TMEM39A: variants seen among roughly 807,000 people sequenced by gnomAD.
The protein encoded by TMEM39A is suppressor of SQST-1 aggregates in rpl-43 mutants.
In TMEM39A, 19 loss-of-function variants were observed where a neutral mutation model predicts 51.9. The ratio of observed to expected loss-of-function variants is 0.37; its 90% CI spans 0.26 to 0.54. TMEM39A has a LOEUF of 0.54. TMEM39A is among the 20% of genes least tolerant of loss of function. The probability of loss-of-function intolerance (pLI) is 0.88; values close to 1 mark genes in which losing one functional copy is unlikely to be tolerated. For synonymous variants in TMEM39A, 197 were observed against 220.2 expected (o/e 0.89, Z 0.93); for missense variants, 433 against 590.5 (o/e 0.73, Z 2.76).
chr3:119,460,907 AC>A (rs2081327736), intron 2 of TMEM39A, among the ~76,000 whole-genome samples: 1 of 152,198 alleles, frequency 6.6e-6, no homozygotes, highest in African/African-American at 2.4e-5. Flanking sequence ...ATTAGATAGT[AC>A]CTTTCTTCAA....
rs1203337451 is a variant in TMEM39A, at chr3:119,436,815, G to A, written c.1088C>T (p.Ser363Phe). 6.2e-7 allele frequency: 1 copy of A among 1,613,720 alleles called. No homozygotes were observed. The highest frequency in any genetic ancestry group is 1.7e-5 in the Admixed American group (1 of 60,024). Residue 363 changes from serine to phenylalanine, a missense_variant, in exon 7 of 9, where the codon TCC (serine) becomes TTC (phenylalanine). Transcript: ENST00000319172. Reference sequence around the variant, plus strand: ...CATGTGCTGTGGAGCATTGCTGTAGGACCCATGTTCCAACTTCTGCCACTT... The same window carrying A: ...CATGTGCTGTGGAGCATTGCTGTAGAACCCATGTTCCAACTTCTGCCACTT... The part of the protein sequence containing the change: ...LGKWQKLEHG[S>F]YSNAPQHIWS...
intron 2 of TMEM39A, among the ~76,000 whole-genome samples, chr3:119,461,416 C>T (rs2081335559): frequency 6.6e-6 from 1 of 152,144 alleles, no homozygotes; most frequent in Non-Finnish European, 1.5e-5. Flanking sequence ...AAGAGAAAAA[C>T]TTTTTTCAGG....
At position 119,460,976 on chromosome 3, in the gene TMEM39A, T is replaced by C. The variant is rs1350453988; in HGVS notation, c.113+986A>G. On this transcript the variant is annotated intron_variant, in intron 2 of 8. Coordinates refer to ENST00000319172, the MANE Select transcript of TMEM39A (RefSeq NM_018266.3). ...AAGTATATAAAATAATACTTATTTG[T>C]AGAAATTTTGTAAAATTCAGTAAAG... Among the ~76,000 whole-genome samples, 5 of 152,222 alleles carry C rather than the reference T, an allele frequency of 3.3e-5. No homozygotes were observed. The East Asian group carries it at 9.6e-4, about 29-fold the overall frequency.
chr3:119,459,375 A>G (rs1329797539), intron 2 of TMEM39A, among the ~76,000 whole-genome samples: 2 of 152,238 alleles, frequency 1.3e-5, no homozygotes, highest in African/African-American at 4.8e-5. Context: ...AGCAGAATTT[A>G]GGGAAGCAAA....
chr3:119,447,060 A>C lies in TMEM39A; in HGVS notation c.533T>G (p.Phe178Cys). 6.2e-7 allele frequency: 1 copy of C among 1,614,212 alleles called. No individual in the cohort carries two copies. The highest frequency in any genetic ancestry group is 8.5e-7 in the Non-Finnish European group (1 of 1,180,014). Residue 178 changes from phenylalanine (F) to cysteine (C), a missense_variant, in exon 5 of 9, where the codon TTT (phenylalanine) becomes TGT (cysteine). Physicochemically the swap from Phe to Cys is radical, Grantham distance 205 (BLOSUM62 -2). Around this residue, in one of 3 missense-constraint regions of TMEM39A, gnomAD observed 170 missense variants for 239.8 expected, o/e 0.71. Coordinates refer to ENST00000319172, the MANE Select transcript of TMEM39A (RefSeq NM_018266.3). Reference sequence around the variant, plus strand: ...GAGATTGAGGACTGAATGGCTTCGAAAGAGATTGACGAGGGTCCAACAAAG... The same window carrying C: ...GAGATTGAGGACTGAATGGCTTCGACAGAGATTGACGAGGGTCCAACAAAG... ...WVLCWTLVNL[F>C]RSHSVLNLLF...
At chr3:119,452,091 T>C (rs1019419466) in intron 4 of TMEM39A, among the ~76,000 whole-genome samples, 3 of 152,218 alleles carry the variant, frequency 2.0e-5, no homozygotes, top group South Asian at 2.1e-4. Flanking sequence ...GAATATTATC[T>C]GGAACTGAAT....
At chr3:119,435,155 T>TA in intron 7 of TMEM39A, 1 of 985,410 alleles carries the variant, frequency 1.0e-6, no homozygotes. Context: ...TGAGCAGACA[T>TA]AAATGTGTAA....
rs1374882738 is a variant in TMEM39A at position 119,430,852 on chromosome 3, C to G, written c.*1129G>C. 6.6e-6 allele frequency: 1 copy of G among 152,074 alleles called. No homozygotes were observed. The highest frequency in any genetic ancestry group is 1.5e-5 in the Non-Finnish European group (1 of 67,984). 9.4% of individuals were successfully genotyped at this position (152,074 alleles called of 1,614,324 possible). A position where few individuals can be genotyped will look rare whatever the true frequency, so the allele number is the denominator to read the frequency against. On this transcript the variant is annotated 3_prime_UTR_variant, in exon 9 of 9. Coordinates refer to ENST00000319172, the MANE Select transcript of TMEM39A (RefSeq NM_018266.3). ...GCTTCACAGTGTAACAAACCAAACT[C>G]AGCACAGAAAACATATGACAATATA...
chr3:119,452,422 T>C (rs773106484), intron 4 of TMEM39A, 25 bp downstream of exon 4: 4 of 1,587,852 alleles, frequency 2.5e-6, no homozygotes, highest in Admixed American at 3.4e-5. Flanking sequence ...CTACATGTGA[T>C]AGAATATAGT....
At chr3:119,462,599 C>G (rs1012428605) in intron 1 of TMEM39A, among the ~76,000 whole-genome samples, 3 of 113,696 alleles carry the variant, frequency 2.6e-5, no homozygotes, top group Non-Finnish European at 4.9e-5. Context: ...GATAAGTTAA[C>G]TTCTGAGTGT....
intron 3 of TMEM39A, among the ~76,000 whole-genome samples, chr3:119,453,909 G>A (rs997771977): frequency 7.9e-5 from 12 of 152,136 alleles, no homozygotes; most frequent in Admixed American, 3.9e-4. Flanking sequence ...AAATAAAACA[G>A]TAACAAATAA....
chr3:119,454,478 C>T (rs933293422), intron 3 of TMEM39A, among the ~76,000 whole-genome samples: 1 of 152,168 alleles, frequency 6.6e-6, no homozygotes, highest in Non-Finnish European at 1.5e-5. Flanking sequence ...CATCACCAGT[C>T]CATCTAAGAC....
chr3:119,456,973 CT>C (rs35937230), intron 3 of TMEM39A, among the ~76,000 whole-genome samples: 6,451 of 140,524 alleles, frequency 0.046, 185 homozygotes, highest in South Asian at 0.11. Context: ...TCATGGTACT[CT>C]TTTTTTTTTT....
rs540427275 is a variant in TMEM39A at position 119,429,694 on chromosome 3, C to T, written c.*2287G>A. The T allele has an allele frequency of 8.5e-5, 13 of 152,190 alleles. No homozygotes were observed. Among genetic ancestry groups the T allele is most frequent in the African/African-American group, 2.9e-4 (12 of 41,528 alleles). 9.4% of individuals were successfully genotyped at this position (152,190 alleles called of 1,614,324 possible). On this transcript the variant is annotated 3_prime_UTR_variant, in exon 9 of 9. Transcript: ENST00000319172. ...AAAAACAGCTGGAATGTGTAGAACA[C>T]GTTGAACTAAACGGTCTTATGCCCC...
At chr3:119,445,436 T>C (rs768826958) in intron 5 of TMEM39A, among the ~76,000 whole-genome samples, 1 of 152,178 alleles carries the variant, frequency 6.6e-6, no homozygotes, top group Non-Finnish European at 1.5e-5. Context: ...TGCTAATTTT[T>C]TTATTTTTAG....
In TMEM39A at chr3:119,429,902, A is replaced by C. The variant is rs1182330564; in HGVS notation, c.*2079T>G. 6.6e-6 allele frequency: 1 copy of C among 152,148 alleles called. No individual in the cohort carries two copies. The highest frequency in any genetic ancestry group is 2.4e-5 in the African/African-American group (1 of 41,430). 9.4% of individuals were successfully genotyped at this position (152,148 alleles called of 1,614,324 possible). A position where few individuals can be genotyped will look rare whatever the true frequency, so the allele number is the denominator to read the frequency against. ...CAGAAGGGGCATCATATTAGTTCAT[A>C]AGACTGGTCTGTTATCTCTAATCAG... On this transcript the variant is annotated 3_prime_UTR_variant, in exon 9 of 9. Coordinates refer to ENST00000319172, the MANE Select transcript of TMEM39A (RefSeq NM_018266.3).
At chr3:119,459,306 G>A (rs181745042) in intron 2 of TMEM39A, among the ~76,000 whole-genome samples, 3 of 152,292 alleles carry the variant, frequency 2.0e-5, no homozygotes, top group East Asian at 3.9e-4. Context: ...TATAAAGTTT[G>A]TGTGTGGCAA....
chr3:119,436,779 T>C lies in TMEM39A; in HGVS notation c.1112+12A>G, dbSNP rs774651246. 41 of 1,602,624 alleles carry C rather than the reference T, an allele frequency of 2.6e-5. No individual in the cohort carries two copies. Among genetic ancestry groups the C allele is most frequent in the Non-Finnish European group, 3.3e-5 (39 of 1,171,944 alleles). On this transcript the variant is annotated intron_variant, in intron 7 of 8. Transcript: ENST00000319172. ...GAAAGTGTTACATGGTTTTACCCTCTAGCTTACTCACATGTGCTGTGGAGC... is the reference window on the plus strand; with the variant it reads ...GAAAGTGTTACATGGTTTTACCCTCCAGCTTACTCACATGTGCTGTGGAGC...
intron 7 of TMEM39A, chr3:119,435,223 C>A (rs564028647): frequency 1.0e-6 from 1 of 985,358 alleles, no homozygotes; most frequent in African/African-American, 1.7e-5. Flanking sequence ...TGAGCAGAGT[C>A]TACTGGTGGA....
Sources: gnomAD v4.1 joint callset for allele counts (sites outside exome capture counted in the v4.1 genomes callset) on GRCh38, gnomAD v4.1.1 for gene constraint, gnomAD v4.1.1 regional missense constraint, MANE v1.5 for transcripts, NCBI Gene and HGNC (gene_info 2026-07-23, HGNC 2026-07-21) for gene names.